KCNQ3: variants seen among roughly 807,000 people sequenced by gnomAD.
The protein encoded by KCNQ3 is potassium voltage-gated channel subfamily KQT member 3.
KCNQ3 carries 30 observed loss-of-function variants against 92.5 expected under a neutral mutation model. The ratio of observed to expected loss-of-function variants is 0.32; its 90% CI spans 0.24 to 0.44. KCNQ3 has a LOEUF of 0.44. Among genes scored for constraint, KCNQ3 ranks in the 20% least tolerant of loss-of-function variants. KCNQ3 has a pLI of 1.00. For synonymous variants in KCNQ3, 450 were observed against 468.8 expected (o/e 0.96, Z 0.52); for missense variants, 913 against 1,140.3 (o/e 0.80, Z 2.87).
At chr8:132,268,611 T>G (rs151062596) in intron 1 of KCNQ3, among the ~76,000 whole-genome samples, 75 of 152,322 alleles carry the variant, frequency 4.9e-4, no homozygotes, top group Middle Eastern at 3.4e-3. Context: ...TATGCCCACG[T>G]TTATTTATCC....
chr8:132,194,674 A>G (rs922468142), intron 1 of KCNQ3, among the ~76,000 whole-genome samples: 1 of 152,242 alleles, frequency 6.6e-6, no homozygotes, highest in African/African-American at 2.4e-5. Flanking sequence ...ACATGAGAAC[A>G]TAAGTCAGAG....
At position 132,129,257 on chromosome 8, in the gene KCNQ3, C is replaced by T; in HGVS notation, c.*5G>A. The T allele has an allele frequency of 6.2e-7, 1 of 1,609,580 alleles. No homozygotes were observed. The highest frequency in any genetic ancestry group is 1.3e-5 in the African/African-American group (1 of 75,054). On this transcript the variant is annotated 3_prime_UTR_variant, in exon 15 of 15. Coordinates refer to ENST00000388996, the MANE Select transcript of KCNQ3 (RefSeq NM_004519.4). The surrounding 1 kb of genome is among the most constrained non-coding windows in gnomAD (Gnocchi z 5.9). Reference sequence around the variant, plus strand: ...TTACAAGGAGGGGTCAGCCAGTGACCTCTTTTAAATGGGCTTATTGGAAGG... The same window carrying T: ...TTACAAGGAGGGGTCAGCCAGTGACTTCTTTTAAATGGGCTTATTGGAAGG...
intron 1 of KCNQ3, among the ~76,000 whole-genome samples, chr8:132,339,342 A>C (rs1405501972): frequency 6.6e-6 from 1 of 152,188 alleles, no homozygotes; most frequent in Non-Finnish European, 1.5e-5. Context: ...CGAACTGGGC[A>C]ATCTAGAGGA....
At position 132,480,636 on chromosome 8, in the gene KCNQ3, G is replaced by A; in HGVS notation, c.-104C>T. 1 of 1,149,714 alleles carries A rather than the reference G, an allele frequency of 8.7e-7. No individual in the cohort carries two copies. The allele number at this position is 1,149,714 out of a possible 1,614,324, so 71.2% of individuals were successfully genotyped here. On this transcript the variant is annotated 5_prime_UTR_variant, in exon 1 of 15. Transcript: ENST00000388996. Reference sequence around the variant, plus strand: ...GCGGCGGCGGCGGCTGCAAGCCCGGGAACTCCAATGCCATGATCCGCGCGC... The same window carrying A: ...GCGGCGGCGGCGGCTGCAAGCCCGGAAACTCCAATGCCATGATCCGCGCGC...
chr8:132,193,126 A>C (rs534516978), intron 1 of KCNQ3, among the ~76,000 whole-genome samples: 1 of 152,240 alleles, frequency 6.6e-6, no homozygotes, highest in South Asian at 2.1e-4. Context: ...CTGCAGGAGT[A>C]AGCAAGGGTT....
At chr8:132,291,987 A>C (rs1306447271) in intron 1 of KCNQ3, among the ~76,000 whole-genome samples, 1 of 152,158 alleles carries the variant, frequency 6.6e-6, no homozygotes, top group Admixed American at 6.6e-5. Context: ...CTGTCTCCAA[A>C]ACAGCCCACC....
chr8:132,167,959 C>T (rs1228771068), intron 8 of KCNQ3, among the ~76,000 whole-genome samples: 1 of 152,160 alleles, frequency 6.6e-6, no homozygotes, highest in Non-Finnish European at 1.5e-5. Context: ...TTATGCTATC[C>T]CAAATCTTCA....
chr8:132,386,955 G>A (rs970499382), intron 1 of KCNQ3, among the ~76,000 whole-genome samples: 2 of 152,180 alleles, frequency 1.3e-5, no homozygotes, highest in African/African-American at 4.8e-5. Flanking sequence ...AATGAAAAAT[G>A]TTTGTGGTGA....
At chr8:132,440,038 AC>A in intron 1 of KCNQ3, among the ~76,000 whole-genome samples, 1 of 152,370 alleles carries the variant, frequency 6.6e-6, no homozygotes, top group African/African-American at 2.4e-5. Flanking sequence ...CCTTCCGTAT[AC>A]TTTAAATCAT....
chr8:132,314,210 C>T (rs187557391), intron 1 of KCNQ3, among the ~76,000 whole-genome samples: 3 of 152,156 alleles, frequency 2.0e-5, no homozygotes, highest in Non-Finnish European at 4.4e-5. Context: ...TAAATGTAAA[C>T]ACTTAGGAAA....
chr8:132,311,039 C>T (rs559976318), intron 1 of KCNQ3, among the ~76,000 whole-genome samples: 2 of 151,296 alleles, frequency 1.3e-5, no homozygotes, highest in African/African-American at 2.4e-5. Context: ...TGGGTTCAAG[C>T]GATTATCTTG....
chr8:132,140,766 C>T (rs139164933), intron 10 of KCNQ3: 3 of 301,168 alleles, frequency 1.0e-5, no homozygotes, highest in Non-Finnish European at 1.9e-5. Context: ...TTCTGCCACT[C>T]TTCCCGTGCC....
chr8:132,427,851 G>C (rs1473060380), intron 1 of KCNQ3, among the ~76,000 whole-genome samples: 1 of 152,144 alleles, frequency 6.6e-6, no homozygotes, highest in Non-Finnish European at 1.5e-5. Context: ...TCATAAAGAG[G>C]CCCAGATCTC....
At chr8:132,315,740 T>C (rs1817725177) in intron 1 of KCNQ3, among the ~76,000 whole-genome samples, 1 of 152,210 alleles carries the variant, frequency 6.6e-6, no homozygotes, top group South Asian at 2.1e-4. Context: ...GAAATATTTC[T>C]AATAAATTAG....
intron 1 of KCNQ3, among the ~76,000 whole-genome samples, chr8:132,448,670 A>C (rs1271095340): frequency 6.6e-6 from 1 of 152,118 alleles, no homozygotes; most frequent in Non-Finnish European, 1.5e-5. Context: ...GAAAACTATT[A>C]TTTGCGTTTC....
chr8:132,331,222 A>C (rs998185503), intron 1 of KCNQ3, among the ~76,000 whole-genome samples: 2 of 152,146 alleles, frequency 1.3e-5, no homozygotes, highest in African/African-American at 4.8e-5. Context: ...AGGAATTTGA[A>C]AGTCTAGGTG....
intron 2 of KCNQ3, 56 bp from the exon 3 acceptor site, chr8:132,184,423 G>C: frequency 6.2e-7 from 1 of 1,604,496 alleles, no homozygotes; most frequent in Non-Finnish European, 8.5e-7. Context: ...CTTGTCGGGA[G>C]CTGGTGATTT....
chr8:132,348,331 G>T (rs1185161772), intron 1 of KCNQ3, among the ~76,000 whole-genome samples: 1 of 152,174 alleles, frequency 6.6e-6, no homozygotes, highest in African/African-American at 2.4e-5. Context: ...CAGACGGTTT[G>T]CTGGACTTGG....
chr8:132,359,319 C>G (rs996105349), intron 1 of KCNQ3, among the ~76,000 whole-genome samples: 10 of 152,230 alleles, frequency 6.6e-5, no homozygotes, highest in African/African-American at 2.4e-4. Flanking sequence ...TATCTAAACA[C>G]TTGCCAATTT....
Sources: gnomAD v4.1 joint callset for allele counts (sites outside exome capture counted in the v4.1 genomes callset) on GRCh38, gnomAD v4.1.1 for gene constraint, Gnocchi (gnomAD v3.1) non-coding constraint, MANE v1.5 for transcripts, NCBI Gene and HGNC (gene_info 2026-07-23, HGNC 2026-07-21) for gene names.